CNTNAP4: variants seen among roughly 807,000 people sequenced by gnomAD.
The protein encoded by CNTNAP4 is contactin-associated protein-like 4.
A neutral mutation model predicts 148.4 loss-of-function variants in CNTNAP4; 98 were observed. The ratio of observed to expected loss-of-function variants is 0.66; its 90% CI spans 0.56 to 0.78. The LOEUF (loss-of-function observed/expected upper bound fraction) is 0.78. Ranked by LOEUF, CNTNAP4 falls within the 30% of genes least tolerant of loss-of-function variation. The probability of loss-of-function intolerance (pLI) is 0.00; values close to 1 mark genes in which losing one functional copy is unlikely to be tolerated. For missense variants in CNTNAP4, 1,935 were observed against 1,565.6 expected (o/e 1.24, Z -3.98); for synonymous variants, 730 against 565.1 (o/e 1.29, Z -4.14).
chr16:76,432,955 G>T (rs2079664266), intron 4 of CNTNAP4, among the ~76,000 whole-genome samples: 2 of 152,066 alleles, frequency 1.3e-5, no homozygotes, highest in Admixed American at 1.3e-4. Context: ...GTACCCACCA[G>T]CCTTCATTTC....
chr16:76,380,670 T>C (rs193214021), intron 3 of CNTNAP4, among the ~76,000 whole-genome samples: 7 of 152,310 alleles, frequency 4.6e-5, no homozygotes, highest in African/African-American at 1.7e-4. Context: ...TATTTGTAAG[T>C]AGCGATACTA....
chr16:76,526,051 T>A (rs565316531), intron 17 of CNTNAP4, among the ~76,000 whole-genome samples: 1 of 152,008 alleles, frequency 6.6e-6, no homozygotes, highest in Non-Finnish European at 1.5e-5. Flanking sequence ...GTAAAAAGGG[T>A]AGCATGGAAT....
chr16:76,301,274 C>T (rs1283393014), intron 1 of CNTNAP4, among the ~76,000 whole-genome samples: 1 of 152,104 alleles, frequency 6.6e-6, no homozygotes, highest in Non-Finnish European at 1.5e-5. Flanking sequence ...AAGCCATCAT[C>T]ATATTAATAG....
intron 8 of CNTNAP4, among the ~76,000 whole-genome samples, chr16:76,454,111 CTTT>C (rs11302612): frequency 6.1e-5 from 8 of 130,094 alleles, no homozygotes; most frequent in African/African-American, 1.7e-4. Context: ...CTATTTCTTT[CTTT>C]TTTTTTTTTT....
At chr16:76,384,192 C>T (rs1336133050) in intron 3 of CNTNAP4, among the ~76,000 whole-genome samples, 2 of 151,856 alleles carry the variant, frequency 1.3e-5, no homozygotes, top group African/African-American at 2.4e-5. Flanking sequence ...TACAGGCATG[C>T]ACCACCATGC....
chr16:76,452,599 G>T lies in CNTNAP4; in HGVS notation c.1163G>T (p.Gly388Val). The T allele has an allele frequency of 1.2e-6, 2 of 1,613,998 alleles. No homozygotes were observed. Among genetic ancestry groups the T allele is most frequent in the Non-Finnish European group, 1.7e-6 (2 of 1,179,894 alleles). ...TATTTAGCACTGCCAGACTTCTCTG[G>T]AGAGGAGGAGGTTTCTGCCACTTTT... ...RSYLALPDFS[G>V]EEEVSATFQF... Residue 388 changes from glycine (G) to valine (V), a missense_variant, in exon 8 of 24, where the codon GGA (glycine) becomes GTA (valine). By Grantham distance (109) the Gly-to-Val change is moderately radical. Coordinates refer to ENST00000611870, the MANE Select transcript of CNTNAP4 (RefSeq NM_033401.5).
At chr16:76,548,434 G>A (rs1383607089) in intron 21 of CNTNAP4, among the ~76,000 whole-genome samples, 4 of 150,398 alleles carry the variant, frequency 2.7e-5, no homozygotes, top group Non-Finnish European at 5.9e-5. Flanking sequence ...TTTTGCTTAC[G>A]CCTCAGGAAA....
chr16:76,495,399 G>A (rs1179031764), intron 14 of CNTNAP4, among the ~76,000 whole-genome samples: 1 of 151,900 alleles, frequency 6.6e-6, no homozygotes. Context: ...TACAGCCAAA[G>A]CACATTTCTT....
At chr16:76,528,098 A>G (rs1414402057) in intron 17 of CNTNAP4, among the ~76,000 whole-genome samples, 2 of 152,216 alleles carry the variant, frequency 1.3e-5, no homozygotes, top group Admixed American at 1.3e-4. Flanking sequence ...AGAAATTTCA[A>G]TAACATGGAA....
chr16:76,339,433 T>C (rs540537848), intron 2 of CNTNAP4, among the ~76,000 whole-genome samples: 34 of 152,122 alleles, frequency 2.2e-4, no homozygotes, highest in Non-Finnish European at 4.0e-4. Context: ...AATTTTAAGA[T>C]ATTTATGTTA....
chr16:76,375,685 G>C (rs996074333), intron 3 of CNTNAP4, among the ~76,000 whole-genome samples: 3 of 152,122 alleles, frequency 2.0e-5, no homozygotes, highest in African/African-American at 7.2e-5. Context: ...ATAATCTGGG[G>C]CTAGGGTAGC....
intron 2 of CNTNAP4, among the ~76,000 whole-genome samples, chr16:76,330,983 A>C (rs558554967): frequency 6.6e-6 from 1 of 152,346 alleles, no homozygotes; most frequent in African/African-American, 2.4e-5. Context: ...TGATTATTTT[A>C]CTAAAGTTTT....
At chr16:76,483,463 A>G (rs1482937785) in intron 12 of CNTNAP4, among the ~76,000 whole-genome samples, 1 of 152,146 alleles carries the variant, frequency 6.6e-6, no homozygotes, top group African/African-American at 2.4e-5. Flanking sequence ...CAGGTTAAAG[A>G]CACCTTATTT....
chr16:76,379,377 A>G (rs966221548), intron 3 of CNTNAP4, among the ~76,000 whole-genome samples: 1 of 152,162 alleles, frequency 6.6e-6, no homozygotes, highest in Non-Finnish European at 1.5e-5. Context: ...TTCTCATTCT[A>G]TTTATAATTT....
At chr16:76,422,701 C>A (rs1221316900) in intron 3 of CNTNAP4, among the ~76,000 whole-genome samples, 1 of 150,158 alleles carries the variant, frequency 6.7e-6, no homozygotes, top group Non-Finnish European at 1.5e-5. Context: ...AGGCACATAA[C>A]CTCTATAATT....
intron 21 of CNTNAP4, among the ~76,000 whole-genome samples, chr16:76,550,735 T>C (rs1310100182): frequency 6.6e-6 from 1 of 152,124 alleles, no homozygotes; most frequent in Non-Finnish European, 1.5e-5. Flanking sequence ...TGTTTAAATC[T>C]ACATATATTC....
chr16:76,455,573 G>T (rs1377342611), intron 8 of CNTNAP4, among the ~76,000 whole-genome samples: 2 of 152,162 alleles, frequency 1.3e-5, no homozygotes, highest in African/African-American at 4.8e-5. Context: ...CCACCAAAGT[G>T]ATGGGTACCA....
chr16:76,324,782 C>A (rs752656359), intron 2 of CNTNAP4, among the ~76,000 whole-genome samples: 6 of 152,110 alleles, frequency 3.9e-5, no homozygotes, highest in Non-Finnish European at 7.4e-5. Flanking sequence ...GGTACTTACT[C>A]ATGAAAAGAG....
chr16:76,377,636 G>T (rs1018399002), intron 3 of CNTNAP4, among the ~76,000 whole-genome samples: 1 of 152,154 alleles, frequency 6.6e-6, no homozygotes, highest in African/African-American at 2.4e-5. Flanking sequence ...ATGACCTGTG[G>T]TTTGCCAGAG....
Sources: allele counts gnomAD v4.1 joint callset (sites outside exome capture counted in the v4.1 genomes callset), GRCh38; gene constraint gnomAD v4.1.1; transcripts MANE v1.5; gene names NCBI Gene and HGNC (gene_info 2026-07-23, HGNC 2026-07-21).